SNX24: variants seen among roughly 807,000 people sequenced by gnomAD.
SNX24 encodes sorting nexin-24.
SNX24 carries 22 observed loss-of-function variants against 28.7 expected under a neutral mutation model. That is an observed-to-expected ratio of 0.77 (90% CI 0.55 to 1.10). The LOEUF is 1.10. SNX24 is among the 50% of genes least tolerant of loss of function. The pLI is 0.00. For synonymous variants in SNX24, 69 were observed against 71.5 expected (o/e 0.96, Z 0.18); for missense variants, 221 against 201.1 (o/e 1.10, Z -0.60).
chr5:122,887,943 C>T lies in SNX24; in HGVS notation c.60+42250C>T, dbSNP rs189475427. Among the ~76,000 whole-genome samples, 556 of 152,316 alleles carry T rather than the reference C, an allele frequency of 3.7e-3. 4 individuals carry two copies. The highest frequency in any genetic ancestry group is 0.012 in the African/African-American group (513 of 41,566). ...GTCCGAATTCCTGACCTCAGGTGAT[C>T]CACTGGCCTCAGCCTCCCAAAGTGC... On this transcript the variant is annotated intron_variant, in intron 1 of 6. Transcript: ENST00000261369.
chr5:122,994,618 G>T (rs1171093410), intron 3 of SNX24, among the ~76,000 whole-genome samples: 1 of 152,184 alleles, frequency 6.6e-6, no homozygotes, highest in Non-Finnish European at 1.5e-5. Flanking sequence ...GATGATAATT[G>T]TACCTTTTCA....
chr5:122,943,376 C>T (rs1272485153), intron 2 of SNX24, among the ~76,000 whole-genome samples: 1 of 152,128 alleles, frequency 6.6e-6, no homozygotes, highest in Non-Finnish European at 1.5e-5. Flanking sequence ...CCCCACTGCC[C>T]TTCTCTCTGT....
chr5:122,855,537 TAGAG>T (rs903487530), intron 1 of SNX24, among the ~76,000 whole-genome samples: 2 of 152,130 alleles, frequency 1.3e-5, no homozygotes, highest in African/African-American at 4.8e-5. Flanking sequence ...TCCTAGCACT[TAGAG>T]AGGCCAAGGC....
chr5:122,973,271 TATA>T (rs1761032512), intron 3 of SNX24, among the ~76,000 whole-genome samples: 1 of 152,226 alleles, frequency 6.6e-6, no homozygotes. Flanking sequence ...TGAATCAGTA[TATA>T]ATCACACATC....
chr5:123,006,463 G>T (rs997308355), intron 6 of SNX24, among the ~76,000 whole-genome samples: 3 of 152,194 alleles, frequency 2.0e-5, no homozygotes, highest in African/African-American at 7.2e-5. Flanking sequence ...AACTACTGCA[G>T]TAGTCTCCAA....
At chr5:122,884,251 C>CTTTTTTTTTTTTTTTTTTTT (rs758617172) in intron 1 of SNX24, among the ~76,000 whole-genome samples, 1 of 92,774 alleles carries the variant, frequency 1.1e-5, no homozygotes, top group Non-Finnish European at 1.9e-5. Flanking sequence ...GTTTCTTTTT[C>CTTTTTTTTTTTTTTTTTTTT]TTTTTTTTTT....
At chr5:122,865,979 A>C (rs1755701743) in intron 1 of SNX24, among the ~76,000 whole-genome samples, 1 of 152,232 alleles carries the variant, frequency 6.6e-6, no homozygotes, top group Non-Finnish European at 1.5e-5. Context: ...ATATTATGAC[A>C]TAAAGTCAAT....
chr5:122,997,003 G>C (rs1191289915), intron 3 of SNX24, among the ~76,000 whole-genome samples: 2 of 152,134 alleles, frequency 1.3e-5, no homozygotes, highest in Non-Finnish European at 2.9e-5. Flanking sequence ...AGTTGTAAAT[G>C]GAACAGTTGT....
intron 6 of SNX24, among the ~76,000 whole-genome samples, chr5:123,004,612 G>A (rs983176326): frequency 6.6e-6 from 1 of 152,056 alleles, no homozygotes; most frequent in African/African-American, 2.4e-5. Flanking sequence ...ACTCTGTCCT[G>A]GGAGCTCCAG....
At chr5:122,943,456 G>C (rs1482506753) in intron 2 of SNX24, among the ~76,000 whole-genome samples, 1 of 152,068 alleles carries the variant, frequency 6.6e-6, no homozygotes, top group South Asian at 2.1e-4. Context: ...ACACTTTCCT[G>C]ATGGAAGCTA....
At chr5:123,024,762 A>G (rs181301083) in intron 5 of SNX24, among the ~76,000 whole-genome samples, 1 of 152,224 alleles carries the variant, frequency 6.6e-6, no homozygotes, top group Admixed American at 6.5e-5. Context: ...AGACTGGTTT[A>G]TTTACATTTG....
intron 1 of SNX24, among the ~76,000 whole-genome samples, chr5:122,875,552 G>A (rs1430472500): frequency 1.3e-5 from 2 of 152,122 alleles, no homozygotes; most frequent in African/African-American, 4.8e-5. Context: ...ACGGGGGAGT[G>A]GTATCATCAG....
intron 3 of SNX24, among the ~76,000 whole-genome samples, chr5:122,981,790 G>A (rs191611789): frequency 1.1e-4 from 16 of 152,276 alleles, no homozygotes; most frequent in African/African-American, 3.4e-4. Flanking sequence ...TGATTCTCCC[G>A]CCTCAGCCTC....
chr5:122,876,325 C>T (rs913525361), intron 1 of SNX24, among the ~76,000 whole-genome samples: 1 of 151,968 alleles, frequency 6.6e-6, no homozygotes, highest in Non-Finnish European at 1.5e-5. Flanking sequence ...TTAATGTCAG[C>T]GTATAAAAAT....
intron 1 of SNX24, among the ~76,000 whole-genome samples, chr5:122,912,582 T>G (rs1451544448): frequency 1.3e-5 from 2 of 152,190 alleles, no homozygotes; most frequent in African/African-American, 4.8e-5. Context: ...TTTTGCCCAT[T>G]CAGTATGATA....
intron 1 of SNX24, among the ~76,000 whole-genome samples, chr5:122,919,311 A>AG (rs1758315390): frequency 6.6e-6 from 1 of 152,254 alleles, no homozygotes; most frequent in Admixed American, 6.5e-5. Flanking sequence ...CATATTGGGA[A>AG]GAGAGAGTCC....
rs1346348268 is a variant in SNX24 at position 122,918,066 on chromosome 5, C to T, written c.61-18668C>T. Among the ~76,000 whole-genome samples, 9 of 151,782 alleles carry T rather than the reference C, an allele frequency of 5.9e-5. 1 individual carries two copies. The highest frequency in any genetic ancestry group is 5.3e-4 in the Admixed American group (8 of 15,220). ...CTGCACTCCAGCCTGGGCGACAGAG[C>T]GAGACTCCATCTCAAAAATAATAAT... On this transcript the variant is annotated intron_variant, in intron 1 of 6. Transcript: ENST00000261369.
Position 122,962,054 on chromosome 5 carries a change from G to T in SNX24, c.249+15895G>T, listed in dbSNP as rs1429194443. 2.0e-5 allele frequency among the ~76,000 whole-genome samples: 3 copies of T among 152,186 alleles called. No homozygotes were observed. The East Asian group carries it at 5.8e-4, about 29-fold the overall frequency. Reference sequence around the variant, plus strand: ...GCTAAGCTGAAAACTCTTTATGAAGGCTACAGATAATTTCTTAGAACAACG... The same window carrying T: ...GCTAAGCTGAAAACTCTTTATGAAGTCTACAGATAATTTCTTAGAACAACG... On this transcript the variant is annotated intron_variant, in intron 3 of 6. Transcript: ENST00000261369.
chr5:123,021,550 A>G (rs1347838614), intron 5 of SNX24, among the ~76,000 whole-genome samples: 1 of 152,236 alleles, frequency 6.6e-6, no homozygotes, highest in Non-Finnish European at 1.5e-5. Context: ...CCCAGGAGTG[A>G]GAAATTCCAA....
Sources: allele counts gnomAD v4.1 joint callset (sites outside exome capture counted in the v4.1 genomes callset), GRCh38; gene constraint gnomAD v4.1.1; transcripts MANE v1.5; gene names NCBI Gene and HGNC (gene_info 2026-07-23, HGNC 2026-07-21).